The following GNB1L variants were observed in gnomAD, a reference collection of about 807,000 sequenced individuals.
The protein encoded by GNB1L is G protein subunit beta 1 like.
GNB1L carries 20 observed loss-of-function variants against 29.1 expected under a neutral mutation model. The observed-to-expected ratio is 0.69, with a 90% CI of 0.48 to 1.00. The LOEUF (loss-of-function observed/expected upper bound fraction) is 1.00, where lower values mean the gene tolerates loss of function less well. Among genes scored for constraint, GNB1L ranks in the 50% least tolerant of loss-of-function variants. The probability of loss-of-function intolerance (pLI) is 0.00; values close to 1 mark genes in which losing one functional copy is unlikely to be tolerated. For missense variants in GNB1L, 421 were observed against 464.9 expected, an observed-to-expected ratio of 0.91 and a Z score of 0.87; for synonymous variants, 193 against 206.5, an observed-to-expected ratio of 0.93 and a Z score of 0.56.
rs1348725336 is a variant in GNB1L at position 19,787,459 on chromosome 22, C to CA, written c.*1249dup. 6.6e-6 allele frequency: 1 copy of CA among 152,562 alleles called. No individual in the cohort carries two copies. The highest frequency in any genetic ancestry group is 2.4e-5 in the African/African-American group (1 of 41,478). The allele number at this position is 152,562 out of a possible 1,614,324, so 9.5% of individuals were successfully genotyped here. On this transcript the variant is annotated 3_prime_UTR_variant, in exon 8 of 8. Coordinates refer to ENST00000329517, the MANE Select transcript of GNB1L (RefSeq NM_053004.3). ...GATCCCACACCCTTCCGATCCGTCC[C>CA]ACACATGTTCAGATTTCTGCCTGGA...
Position 19,844,691 on chromosome 22 carries a change from G to A in GNB1L, c.-21+9752C>T, listed in dbSNP as rs560298349. Among the ~76,000 whole-genome samples the A allele has an allele frequency of 1.0e-3, 158 of 152,304 alleles. 1 individual carries two copies. Among genetic ancestry groups the A allele is most frequent in the Non-Finnish European group, 2.0e-3 (134 of 68,014 alleles). On this transcript the variant is annotated intron_variant, in intron 2 of 7. Coordinates refer to ENST00000329517, the MANE Select transcript of GNB1L (RefSeq NM_053004.3). ...TGGGGATGTCCGTCGCCCCAGGAGCGGGTCCCAGGAGCCTGGCAAGATGGC... is the reference window on the plus strand; with the variant it reads ...TGGGGATGTCCGTCGCCCCAGGAGCAGGTCCCAGGAGCCTGGCAAGATGGC...
chr22:19,819,187 G>A (rs1937558679), intron 4 of GNB1L, among the ~76,000 whole-genome samples: 2 of 152,228 alleles, frequency 1.3e-5, no homozygotes, highest in African/African-American at 4.8e-5. Flanking sequence ...CGCAGCACGT[G>A]GGGTCTCCCC....
At chr22:19,836,965 G>C (rs1046015843) in intron 2 of GNB1L, among the ~76,000 whole-genome samples, 4 of 150,934 alleles carry the variant, frequency 2.7e-5, no homozygotes, top group African/African-American at 9.8e-5. Context: ...CTCTTGAAAA[G>C]AGATTTTTTT....
chr22:19,812,502 C>T lies in GNB1L; in HGVS notation c.255-55G>A. 6 of 1,509,494 alleles carry T rather than the reference C, an allele frequency of 4.0e-6. No individual in the cohort carries two copies. The Admixed American group carries it at 9.4e-5, about 24-fold the overall frequency. 93.5% of individuals were successfully genotyped at this position (1,509,494 alleles called of 1,614,324 possible). A position where few individuals can be genotyped will look rare whatever the true frequency, so the allele number is the denominator to read the frequency against. ...ACTCCCCTTGACAAGTGTCAGCTCCCATGGCCCCTGCAGCGGAAGGAAGGC... is the reference window on the plus strand; with the variant it reads ...ACTCCCCTTGACAAGTGTCAGCTCCTATGGCCCCTGCAGCGGAAGGAAGGC... On this transcript the variant is annotated intron_variant, in intron 4 of 7. Transcript: ENST00000329517.
chr22:19,800,315 G>A lies in GNB1L; in HGVS notation c.732+1686C>T, dbSNP rs573990759. ...TCCTGGGGTCCTGGGCACAGAGGTG[G>A]AAACTGCAGAGAAGAGCCCTCCGGG... On this transcript the variant is annotated intron_variant, in intron 7 of 7. Transcript: ENST00000329517. Among the ~76,000 whole-genome samples, 7 of 152,366 alleles carry A rather than the reference G, an allele frequency of 4.6e-5. No homozygotes were observed. The East Asian group carries it at 7.7e-4, about 17-fold the overall frequency.
At chr22:19,831,908 A>G (rs1030603745) in intron 2 of GNB1L, among the ~76,000 whole-genome samples, 1 of 152,196 alleles carries the variant, frequency 6.6e-6, no homozygotes, top group Non-Finnish European at 1.5e-5. Context: ...TTCAACCAAA[A>G]GCTTACTCAT....
chr22:19,815,770 C>T (rs1444962688), intron 4 of GNB1L, among the ~76,000 whole-genome samples: 3 of 152,148 alleles, frequency 2.0e-5, no homozygotes, highest in South Asian at 2.1e-4. Context: ...TTTGTAGAGA[C>T]GAGATTTCAC....
chr22:19,800,326 G>A (rs1348718540), intron 7 of GNB1L, among the ~76,000 whole-genome samples: 2 of 152,222 alleles, frequency 1.3e-5, no homozygotes, highest in African/African-American at 2.4e-5. Flanking sequence ...AAACTGCAGA[G>A]AAGAGCCCTC....
chr22:19,795,349 A>T (rs1937294344), intron 7 of GNB1L, among the ~76,000 whole-genome samples: 1 of 152,228 alleles, frequency 6.6e-6, no homozygotes, highest in Admixed American at 6.5e-5. Flanking sequence ...CTGGTAAAAA[A>T]AAAACAAAAC....
At chr22:19,798,460 C>G (rs554576061) in intron 7 of GNB1L, among the ~76,000 whole-genome samples, 1 of 152,226 alleles carries the variant, frequency 6.6e-6, no homozygotes, top group Non-Finnish European at 1.5e-5. Flanking sequence ...CTGGGGCCTG[C>G]TCAGGGCCCT....
At chr22:19,812,576 G>T in intron 4 of GNB1L, 129 bp from the exon 5 acceptor site, 2 of 865,922 alleles carry the variant, frequency 2.3e-6, no homozygotes, top group Non-Finnish European at 3.5e-6. Context: ...ATCATCGCAG[G>T]TCGGGAGCCT....
rs747383410 is a variant in GNB1L at position 19,816,254 on chromosome 22, A to T, written c.255-3807T>A. On this transcript the variant is annotated intron_variant, in intron 4 of 7. Transcript: ENST00000329517. The surrounding 1 kb of genome is among the most constrained non-coding windows in gnomAD (Gnocchi z 4.4). ...CACCAGTCGTCACGCTGCGAGGCAC[A>T]CGATGTGACCTGCCCACCATCAGGG... Among the ~76,000 whole-genome samples the T allele has an allele frequency of 3.9e-5, 6 of 152,174 alleles. No homozygotes were observed. The highest frequency in any genetic ancestry group is 7.3e-5 in the Non-Finnish European group (5 of 68,034).
At chr22:19,813,200 C>T (rs573662126) in intron 4 of GNB1L, among the ~76,000 whole-genome samples, 3 of 152,288 alleles carry the variant, frequency 2.0e-5, no homozygotes, top group African/African-American at 4.8e-5. Context: ...GGCACCCAGG[C>T]GTCTCCCGGT....
chr22:19,794,963 G>C (rs935785371), intron 7 of GNB1L, among the ~76,000 whole-genome samples: 1 of 152,218 alleles, frequency 6.6e-6, no homozygotes, highest in African/African-American at 2.4e-5. Context: ...CCTGGTGACA[G>C]AGTGAGACTC....
chr22:19,825,858 T>G (rs1937615996), intron 2 of GNB1L, among the ~76,000 whole-genome samples: 1 of 151,986 alleles, frequency 6.6e-6, no homozygotes, highest in South Asian at 2.1e-4. Context: ...CTCAGGAGGC[T>G]GAGGTGGGAG....
At chr22:19,848,402 T>A (rs879340580) in intron 2 of GNB1L, 4 of 985,358 alleles carry the variant, frequency 4.1e-6, no homozygotes, top group Non-Finnish European at 3.6e-6. Context: ...GAATGCCTCC[T>A]TCCCCCAGCA....
intron 3 of GNB1L, 89 bp from the exon 4 acceptor site, chr22:19,820,812 C>A: frequency 1.4e-6 from 2 of 1,455,880 alleles, no homozygotes; most frequent in South Asian, 1.3e-5. Context: ...TTGTGGGATG[C>A]GGGCATCTAG....
Position 19,806,708 on chromosome 22 carries a change from G to A in GNB1L, c.467C>T (p.Pro156Leu), listed in dbSNP as rs902325650. 4.3e-6 allele frequency: 7 copies of A among 1,613,656 alleles called. No individual in the cohort carries two copies. The highest frequency in any genetic ancestry group is 1.1e-5 in the South Asian group (1 of 91,068). The stretch of plus-strand genomic sequence containing the variant: ...CATGCCCAGCTTGGCATCTGCCTTC[G>A]GCTTCAGGGCGCACACTGACGTCTT... ...PSKTSVCALK[P>L]KADAKLGMPM... The change falls in exon 6 of 8, where the codon CCG (proline) becomes CTG (leucine). Residue 156 changes from proline to leucine, a missense_variant. Coordinates refer to ENST00000329517, the MANE Select transcript of GNB1L (RefSeq NM_053004.3).
intron 7 of GNB1L, among the ~76,000 whole-genome samples, chr22:19,799,429 C>T (rs920505355): frequency 1.3e-5 from 2 of 152,252 alleles, no homozygotes; most frequent in Non-Finnish European, 2.9e-5. Flanking sequence ...TCGTCACCAC[C>T]GCGGCCCCTG....
Sources: gnomAD v4.1 joint callset for allele counts (sites outside exome capture counted in the v4.1 genomes callset) on GRCh38, gnomAD v4.1.1 for gene constraint, Gnocchi (gnomAD v3.1) non-coding constraint, MANE v1.5 for transcripts, NCBI Gene and HGNC (gene_info 2026-07-23, HGNC 2026-07-21) for gene names.